ZNF804A: variants seen among roughly 807,000 people sequenced by gnomAD.
ZNF804A encodes zinc finger protein 804A.
ZNF804A carries 2 observed loss-of-function variants against 16.5 expected under a neutral mutation model. The ratio of observed to expected loss-of-function variants is 0.12; its 90% CI spans 0.05 to 0.38. The LOEUF (loss-of-function observed/expected upper bound fraction) is 0.38, where lower values mean the gene tolerates loss of function less well. Among genes scored for constraint, ZNF804A ranks in the 10% least tolerant of loss-of-function variants. ZNF804A has a pLI of 0.99. For missense variants in ZNF804A, 1,473 were observed against 1,390.7 expected, an observed-to-expected ratio of 1.06 and a Z score of -0.94; for synonymous variants, 534 against 489.6, an observed-to-expected ratio of 1.09 and a Z score of -1.20.
intron 1 of ZNF804A, among the ~76,000 whole-genome samples, chr2:184,835,017 T>C (rs540264021): frequency 4.6e-5 from 7 of 152,308 alleles, no homozygotes; most frequent in African/African-American, 1.4e-4. Context: ...TACCTACTAT[T>C]TGGCAGGCAC....
chr2:184,864,617 T>A (rs1314489061), intron 1 of ZNF804A, among the ~76,000 whole-genome samples: 1 of 152,204 alleles, frequency 6.6e-6, no homozygotes, highest in Non-Finnish European at 1.5e-5. Flanking sequence ...TTACTATATG[T>A]GATGTATGCA....
intron 1 of ZNF804A, among the ~76,000 whole-genome samples, chr2:184,639,079 T>C (rs1177770478): frequency 1.4e-5 from 2 of 147,710 alleles, no homozygotes; most frequent in African/African-American, 5.0e-5. Flanking sequence ...TTTTTTTTTT[T>C]TTTTTTTTTT....
rs530749205 is a variant in ZNF804A at position 184,689,780 on chromosome 2, G to T, written c.111+90710G>T. On this transcript the variant is annotated intron_variant, in intron 1 of 3. Coordinates refer to ENST00000302277, the MANE Select transcript of ZNF804A (RefSeq NM_194250.2). The stretch of plus-strand genomic sequence containing the variant: ...ATAACAGAAACTACATTTGGAAGAG[G>T]TTCCTTAGAATATCGTAAGATTCTG... Among the ~76,000 whole-genome samples the T allele has an allele frequency of 5.9e-5, 9 of 152,060 alleles. No individual in the cohort carries two copies. The East Asian group carries it at 1.7e-3, about 29-fold the overall frequency.
At chr2:184,704,012 A>G (rs1182942159) in intron 1 of ZNF804A, among the ~76,000 whole-genome samples, 1 of 152,130 alleles carries the variant, frequency 6.6e-6, no homozygotes, top group Non-Finnish European at 1.5e-5. Context: ...AAAGTTCTCT[A>G]AGGACCTTAA....
chr2:184,862,535 T>A (rs1461496928), intron 1 of ZNF804A, among the ~76,000 whole-genome samples: 1 of 152,118 alleles, frequency 6.6e-6, no homozygotes, highest in African/African-American at 2.4e-5. Context: ...TTTAATAATT[T>A]AGAGGAGGAT....
chr2:184,829,899 CAAAAAAAAAAAAAA>C lies in ZNF804A; in HGVS notation c.112-36460_112-36447del, dbSNP rs1244566222. Among the ~76,000 whole-genome samples, 8 of 38,904 alleles carry C rather than the reference CAAAAAAAAAAAAAA, an allele frequency of 2.1e-4. No individual in the cohort carries two copies. The South Asian group carries it at 0.01, about 49-fold the overall frequency. 25.5% of individuals were successfully genotyped at this position (38,904 alleles called of 152,430 possible). A position where few individuals can be genotyped will look rare whatever the true frequency, so the allele number is the denominator to read the frequency against. On this transcript the variant is annotated intron_variant, in intron 1 of 3. Coordinates refer to ENST00000302277, the MANE Select transcript of ZNF804A (RefSeq NM_194250.2). Reference sequence around the variant, plus strand: ...CAACATGTCAAAACCCTGTCTCTACCAAAAAAAAAAAAAAAAAAAAAAACAAAAACAAAAAAAAA... The same window carrying C: ...CAACATGTCAAAACCCTGTCTCTACCAAAAAAAAACAAAAACAAAAAAAAA...
chr2:184,884,130 C>G (rs1266976136), intron 2 of ZNF804A, among the ~76,000 whole-genome samples: 1 of 152,026 alleles, frequency 6.6e-6, no homozygotes, highest in Non-Finnish European at 1.5e-5. Context: ...ACTCAACATA[C>G]AAAAATCAAT....
At chr2:184,865,563 A>C (rs1224961403) in intron 1 of ZNF804A, among the ~76,000 whole-genome samples, 1 of 152,154 alleles carries the variant, frequency 6.6e-6, no homozygotes, top group South Asian at 2.1e-4. Context: ...AGTAAGCATG[A>C]AATAGCAAGT....
chr2:184,938,268 G>C lies in ZNF804A; in HGVS notation c.2872G>C (p.Glu958Gln), dbSNP rs773989568. The C allele has an allele frequency of 1.3e-5, 21 of 1,613,946 alleles. No individual in the cohort carries two copies. The highest frequency in any genetic ancestry group is 1.6e-4 in the Middle Eastern group (1 of 6,080). Residue 958 changes from glutamate to glutamine, a missense_variant, in exon 4 of 4, where the codon GAA becomes CAA. Glu to Gln is a conservative substitution (Grantham distance 29). Transcript: ENST00000302277. ...KQIPFQVPNIERNFRQSQPKS... is the reference protein window; with the variant it reads ...KQIPFQVPNIQRNFRQSQPKS... ...AATTCCTTTTCAGGTGCCTAATATT[G>C]AAAGGAACTTTAGACAGTCACAGCC...
intron 1 of ZNF804A, among the ~76,000 whole-genome samples, chr2:184,836,159 ATGGTAGTTGCT>A (rs1695342939): frequency 1.3e-5 from 2 of 152,156 alleles, no homozygotes; most frequent in South Asian, 4.1e-4. Flanking sequence ...TGCTTGGCAC[ATGGTAGTTGCT>A]TTTTAAAATT....
Position 184,685,461 on chromosome 2 carries a change from C to A in ZNF804A, c.111+86391C>A, listed in dbSNP as rs371121183. Among the ~76,000 whole-genome samples, 9 of 152,182 alleles carry A rather than the reference C, an allele frequency of 5.9e-5. No homozygotes were observed. The East Asian group carries it at 1.6e-3, about 26-fold the overall frequency. On this transcript the variant is annotated intron_variant, in intron 1 of 3. Coordinates refer to ENST00000302277, the MANE Select transcript of ZNF804A (RefSeq NM_194250.2). ...GTTTGTGTTACAGCTCTTTCAGTCC[C>A]CCCTTTTGTAGGGTCCTGAGTTCTT...
chr2:184,748,367 T>G (rs1179335889), intron 1 of ZNF804A, among the ~76,000 whole-genome samples: 1 of 151,610 alleles, frequency 6.6e-6, no homozygotes, highest in Non-Finnish European at 1.5e-5. Flanking sequence ...TTTGCATTTC[T>G]CTGATGATTA....
chr2:184,816,437 A>G (rs1254063018), intron 1 of ZNF804A, among the ~76,000 whole-genome samples: 1 of 152,016 alleles, frequency 6.6e-6, no homozygotes, highest in East Asian at 1.9e-4. Context: ...AGATTTAAAG[A>G]AAGTAGTTTC....
At position 184,892,424 on chromosome 2, in the gene ZNF804A, G is replaced by T. The variant is rs374518213; in HGVS notation, c.255+25912G>T. Among the ~76,000 whole-genome samples, 5 of 150,792 alleles carry T rather than the reference G, an allele frequency of 3.3e-5. No homozygotes were observed. The East Asian group carries it at 9.8e-4, about 29-fold the overall frequency. The stretch of plus-strand genomic sequence containing the variant: ...TGAGAAAGGGTGAGAAATGACAGAA[G>T]AGGAAAGATACCATTAGCATTTTTC... On this transcript the variant is annotated intron_variant, in intron 2 of 3. Coordinates refer to ENST00000302277, the MANE Select transcript of ZNF804A (RefSeq NM_194250.2).
At chr2:184,599,734 T>A (rs563753925) in intron 1 of ZNF804A, among the ~76,000 whole-genome samples, 6 of 152,214 alleles carry the variant, frequency 3.9e-5, no homozygotes, top group Non-Finnish European at 5.9e-5. Flanking sequence ...ATAGAACCCA[T>A]GCAGTTGCTG....
intron 2 of ZNF804A, among the ~76,000 whole-genome samples, chr2:184,920,876 A>G (rs1333831861): frequency 1.3e-5 from 2 of 152,190 alleles, no homozygotes; most frequent in Non-Finnish European, 1.5e-5. Context: ...TCCACAGACA[A>G]TCCTCCCGAT....
chr2:184,740,762 C>T (rs1693698628), intron 1 of ZNF804A, among the ~76,000 whole-genome samples: 1 of 151,878 alleles, frequency 6.6e-6, no homozygotes, highest in Non-Finnish European at 1.5e-5. Context: ...GTCATGAAGT[C>T]GATATGGGGG....
chr2:184,780,316 G>A (rs954588418), intron 1 of ZNF804A, among the ~76,000 whole-genome samples: 25 of 151,780 alleles, frequency 1.6e-4, no homozygotes, highest in African/African-American at 6.0e-4. Context: ...ATCACCACTG[G>A]AAGGGTTTAA....
In ZNF804A at chr2:184,938,850, G is replaced by A. The variant is rs12105159; in HGVS notation, c.3454G>A (p.Gly1152Arg). 7 of 1,613,810 alleles carry A rather than the reference G, an allele frequency of 4.3e-6. No individual in the cohort carries two copies. The highest frequency in any genetic ancestry group is 1.3e-5 in the African/African-American group (1 of 74,844). ...SLPQLSVGPVGPRLCPGNQPT... is the reference protein window; with the variant it reads ...SLPQLSVGPVRPRLCPGNQPT... ...ACCTCAGCTCTCAGTAGGACCAGTA[G>A]GACCGAGGCTTTGTCCTGGGAACCA... Residue 1152 changes from glycine to arginine, a missense_variant, in exon 4 of 4, where the codon GGA (glycine) becomes AGA (arginine). Gly to Arg is a moderately radical substitution (Grantham distance 125, BLOSUM62 -2). Transcript: ENST00000302277.
Sources: gnomAD v4.1 joint callset for allele counts (sites outside exome capture counted in the v4.1 genomes callset) on GRCh38, gnomAD v4.1.1 for gene constraint, MANE v1.5 for transcripts, NCBI Gene and HGNC (gene_info 2026-07-23, HGNC 2026-07-21) for gene names.